Variants in CFDP1 observed in about 807,000 individuals in gnomAD.
CFDP1 encodes the protein chromatin remodeling protein CFDP1.
A neutral mutation model predicts 40.1 loss-of-function variants in CFDP1; 31 were observed. The observed-to-expected ratio is 0.77, with a 90% CI of 0.58 to 1.04. The LOEUF (loss-of-function observed/expected upper bound fraction) is 1.04, where lower values mean the gene tolerates loss of function less well. CFDP1 is among the 50% of genes least tolerant of loss of function. The probability of loss-of-function intolerance (pLI) is 0.00; values close to 1 mark genes in which losing one functional copy is unlikely to be tolerated. For synonymous variants in CFDP1, 167 were observed against 120.0 expected, an observed-to-expected ratio of 1.39 and a Z score of -2.56; for missense variants, 423 against 343.4, an observed-to-expected ratio of 1.23 and a Z score of -1.83.
chr16:75,411,825 C>G lies in CFDP1; in HGVS notation c.530G>C (p.Arg177Thr). The change falls in exon 4 of 7, where the codon AGG becomes ACG. Residue 177 changes from arginine to threonine, a missense_variant and splice_region_variant. Transcript: ENST00000283882. Reference sequence around the variant, plus strand: ...TCAAAGTTTTTGAAGGTTCTCTTACCTTACTTCTTCACCAGCAAAATCAAA... The same window carrying G: ...TCAAAGTTTTTGAAGGTTCTCTTACGTTACTTCTTCACCAGCAAAATCAAA... ...KVFDFAGEEVRVTKEVDATSK... is the reference protein window; with the variant it reads ...KVFDFAGEEVTVTKEVDATSK... The G allele has an allele frequency of 1.2e-6, 2 of 1,608,602 alleles. No individual in the cohort carries two copies. The highest frequency in any genetic ancestry group is 1.7e-6 in the Non-Finnish European group (2 of 1,178,792).
intron 1 of CFDP1, among the ~76,000 whole-genome samples, chr16:75,424,647 G>A (rs754121286): frequency 2.6e-5 from 4 of 151,962 alleles, no homozygotes; most frequent in East Asian, 1.9e-4. Flanking sequence ...CCAACTACTC[G>A]GGAGGCTGAG....
intron 4 of CFDP1, among the ~76,000 whole-genome samples, chr16:75,411,619 G>C (rs16943924): frequency 6.6e-6 from 1 of 152,124 alleles, no homozygotes. Context: ...TGAGCACTTC[G>C]TAAAGCTCAA....
chr16:75,357,726 C>T (rs1360286258), intron 5 of CFDP1, among the ~76,000 whole-genome samples: 13 of 152,206 alleles, frequency 8.5e-5, no homozygotes, highest in African/African-American at 3.1e-4. Flanking sequence ...TTATTCAGAC[C>T]ATTCAAGCTG....
intron 4 of CFDP1, among the ~76,000 whole-genome samples, chr16:75,411,583 C>T (rs1404944924): frequency 6.6e-6 from 1 of 152,150 alleles, no homozygotes; most frequent in Non-Finnish European, 1.5e-5. Context: ...AAATACTTAA[C>T]TCATATTCCC....
intron 5 of CFDP1, among the ~76,000 whole-genome samples, chr16:75,384,852 CTATATATATATATATATATATA>C (rs59681577): frequency 3.6e-4 from 43 of 119,998 alleles, no homozygotes; most frequent in East Asian, 2.0e-3. Context: ...GAAACTAAAA[CTATATATATATATATATATATA>C]TATATATATA....
intron 5 of CFDP1, among the ~76,000 whole-genome samples, chr16:75,385,400 G>A (rs962469452): frequency 1.3e-5 from 2 of 152,064 alleles, no homozygotes; most frequent in Non-Finnish European, 2.9e-5. Flanking sequence ...AATTTAAGTG[G>A]TGGGACTACA....
At chr16:75,398,390 C>A (rs1379999534) in intron 4 of CFDP1, among the ~76,000 whole-genome samples, 1 of 152,192 alleles carries the variant, frequency 6.6e-6, no homozygotes, top group Non-Finnish European at 1.5e-5. Context: ...CCTGATACTA[C>A]CCCAGTTAGA....
intron 1 of CFDP1, among the ~76,000 whole-genome samples, chr16:75,429,302 AACAG>A (rs1030925169): frequency 2.4e-4 from 36 of 152,328 alleles, no homozygotes; most frequent in African/African-American, 8.7e-4. Flanking sequence ...CTAGAATTCA[AACAG>A]ACAATCAATT....
At chr16:75,387,376 C>T (rs1000342618) in intron 5 of CFDP1, among the ~76,000 whole-genome samples, 2 of 152,104 alleles carry the variant, frequency 1.3e-5, no homozygotes, top group Admixed American at 1.3e-4. Flanking sequence ...CTCCTGACCT[C>T]GTGATCCACC....
At chr16:75,303,391 A>ATGT (rs1567639294) in intron 6 of CFDP1, among the ~76,000 whole-genome samples, 12 of 66,640 alleles carry the variant, frequency 1.8e-4, no homozygotes, top group African/African-American at 4.1e-4. Flanking sequence ...ATAAATAAAT[A>ATGT]AATAAATAAA....
intron 5 of CFDP1, among the ~76,000 whole-genome samples, chr16:75,312,708 T>C (rs951509680): frequency 2.6e-5 from 4 of 152,168 alleles, no homozygotes; most frequent in African/African-American, 7.2e-5. Flanking sequence ...CAGAGGTGTG[T>C]TTTGCCCTGT....
rs765869642 is a variant in CFDP1, at chr16:75,412,725, T to C, written c.212A>G (p.Glu71Gly). The change falls in exon 3 of 7, where the codon GAA (glutamate) becomes GGA (glycine). Residue 71 changes from glutamate to glycine, a missense_variant. Transcript: ENST00000283882. Reference sequence around the variant, plus strand: ...ATTGGCATCCTCCTCTTCCTCTTCTTCTAATGAGAGGCCACCTTGTCTTCT... The same window carrying C: ...ATTGGCATCCTCCTCTTCCTCTTCTCCTAATGAGAGGCCACCTTGTCTTCT... ...RKRRQGGLSL[E>G]EEEEEDANSE... The C allele has an allele frequency of 2.5e-6, 4 of 1,613,842 alleles. No individual in the cohort carries two copies. The East Asian group carries it at 8.9e-5, about 36-fold the overall frequency.
At chr16:75,312,273 C>G (rs570065361) in intron 5 of CFDP1, among the ~76,000 whole-genome samples, 1 of 152,282 alleles carries the variant, frequency 6.6e-6, no homozygotes, top group East Asian at 1.9e-4. Flanking sequence ...TGACAGTACT[C>G]TATGGGACAA....
chr16:75,424,635 T>A (rs2079315260), intron 1 of CFDP1, among the ~76,000 whole-genome samples: 1 of 151,508 alleles, frequency 6.6e-6, no homozygotes, highest in Non-Finnish European at 1.5e-5. Context: ...GCGCCTGTAG[T>A]CCCAACTACT....
chr16:75,302,696 G>C (rs2078229135), intron 6 of CFDP1, among the ~76,000 whole-genome samples: 1 of 152,214 alleles, frequency 6.6e-6, no homozygotes, highest in African/African-American at 2.4e-5. Context: ...GTGGAGAACA[G>C]GACAGAGCTG....
chr16:75,294,055 AAC>A lies in CFDP1; in HGVS notation c.810-15_810-14del. 1 of 1,602,426 alleles carries A rather than the reference AAC, an allele frequency of 6.2e-7. No homozygotes were observed. Among genetic ancestry groups the A allele is most frequent in the Non-Finnish European group, 8.6e-7 (1 of 1,169,450 alleles). ...CCGTTCAATGTACCTAGAAGATGAA[AAC>A]AGTGTTTGTCAGTAGAATCCAGTAG... On this transcript the variant is annotated splice_polypyrimidine_tract_variant and intron_variant, in intron 6 of 6. Coordinates refer to ENST00000283882, the MANE Select transcript of CFDP1 (RefSeq NM_006324.3).
intron 4 of CFDP1, among the ~76,000 whole-genome samples, chr16:75,405,036 G>A (rs547215710): frequency 6.6e-6 from 1 of 152,238 alleles, no homozygotes; most frequent in African/African-American, 2.4e-5. Context: ...AAGATGAGAT[G>A]GGCACAGAAA....
At chr16:75,347,625 G>C (rs1353728574) in intron 5 of CFDP1, among the ~76,000 whole-genome samples, 1 of 152,176 alleles carries the variant, frequency 6.6e-6, no homozygotes, top group Non-Finnish European at 1.5e-5. Flanking sequence ...GTTGCAGTGA[G>C]CTGAGATCGC....
Position 75,414,604 on chromosome 16 carries a change from T to C in CFDP1, c.156A>G (p.Lys52=). 6.2e-7 allele frequency: 1 copy of C among 1,613,856 alleles called. No individual in the cohort carries two copies. The highest frequency in any genetic ancestry group is 8.5e-7 in the Non-Finnish European group (1 of 1,179,766). ...TGGCTGGAATGCTCTGGGCCTTTCTTTTTTTCCCTTGGGTTTTCTGTGTCT... is the reference window on the plus strand; with the variant it reads ...TGGCTGGAATGCTCTGGGCCTTTCTCTTTTTCCCTTGGGTTTTCTGTGTCT... ...EEQTQKTQGK[K]RKAQSIPARK... is the part of the protein sequence containing the mutation. The change falls in exon 2 of 7, where the codon AAA becomes AAG. Residue 52 remains lysine, a synonymous_variant. Coordinates refer to ENST00000283882, the MANE Select transcript of CFDP1 (RefSeq NM_006324.3).
Sources: gnomAD v4.1 joint callset for allele counts (sites outside exome capture counted in the v4.1 genomes callset) on GRCh38, gnomAD v4.1.1 for gene constraint, MANE v1.5 for transcripts, NCBI Gene and HGNC (gene_info 2026-07-23, HGNC 2026-07-21) for gene names.